Variants in ZNF268 observed in about 807,000 individuals in gnomAD.
The protein encoded by ZNF268 is zinc finger protein 268, also known as zinc finger protein 3.
A neutral mutation model predicts 29.3 loss-of-function variants in ZNF268; 20 were observed. The ratio of observed to expected loss-of-function variants is 0.68; its 90% CI spans 0.48 to 0.99. The LOEUF is 0.99. ZNF268 is among the 50% of genes least tolerant of loss of function. ZNF268 has a pLI of 0.00. For missense variants in ZNF268, 1,240 were observed against 1,121.6 expected, an observed-to-expected ratio of 1.11 and a Z score of -1.51; for synonymous variants, 429 against 376.9, an observed-to-expected ratio of 1.14 and a Z score of -1.60.
At chr12:133,182,381 C>T (rs1956197861) in intron 2 of ZNF268, among the ~76,000 whole-genome samples, 1 of 140,116 alleles carries the variant, frequency 7.1e-6, no homozygotes, top group Non-Finnish European at 1.6e-5. Flanking sequence ...TTTTTATTCA[C>T]TTGTTCAACA....
chr12:133,203,920 T>C lies in ZNF268; in HGVS notation c.2234T>C (p.Ile745Thr), dbSNP rs531325734. ...FNSQLIVHQR[I>T]HTGENPYECS... ...TCACAACTCATTGTGCATCAGAGAA[T>C]TCACACAGGAGAAAATCCCTATGAA... is the stretch of plus-strand genomic sequence containing the variant. The change falls in exon 6 of 6, where the codon ATT (isoleucine) becomes ACT (threonine). Residue 745 changes from isoleucine (I) to threonine (T), a missense_variant. Ile to Thr is a moderately conservative substitution (Grantham distance 89, BLOSUM62 -1). This residue lies in a region of ZNF268 where 1,177 missense variants were observed against 1,039.6 expected (regional missense o/e 1.13). Transcript: ENST00000536435. 6.3e-7 allele frequency: 1 copy of C among 1,588,786 alleles called. No individual in the cohort carries two copies. Among genetic ancestry groups the C allele is most frequent in the Non-Finnish European group, 8.5e-7 (1 of 1,169,832 alleles).
intron 2 of ZNF268, 107 bp downstream of exon 2, chr12:133,182,137 G>T: frequency 1.9e-6 from 2 of 1,053,722 alleles, no homozygotes; most frequent in South Asian, 3.2e-5. Flanking sequence ...TCACCCCACC[G>T]CTCTTTTAGG....
chr12:133,186,597 C>T (rs112930830), intron 2 of ZNF268, among the ~76,000 whole-genome samples: 27,606 of 151,636 alleles, frequency 0.18, 3,226 homozygotes, highest in Non-Finnish European at 0.26. Context: ...AGGCTGGTCT[C>T]GAACTCCTGA....
In ZNF268 at chr12:133,196,287, A is replaced by T. The variant is rs193055519; in HGVS notation, c.457+4284A>T. Among the ~76,000 whole-genome samples the T allele has an allele frequency of 1.0e-4, 14 of 140,414 alleles. No homozygotes were observed. The East Asian group carries it at 3.0e-3, about 30-fold the overall frequency. The allele number at this position is 140,414 out of a possible 152,430, so 92.1% of individuals were successfully genotyped here. On this transcript the variant is annotated intron_variant, in intron 5 of 5. Coordinates refer to ENST00000536435, the MANE Select transcript of ZNF268 (RefSeq NM_003415.3). ...TAGTGAGCCGAGATCACACCACTGCACTCCAGCCTGGCGACAGAGTGAGAC... is the reference window on the plus strand; with the variant it reads ...TAGTGAGCCGAGATCACACCACTGCTCTCCAGCCTGGCGACAGAGTGAGAC...
At chr12:133,182,116 C>A in intron 2 of ZNF268, 86 bp downstream of exon 2, 1 of 1,382,888 alleles carries the variant, frequency 7.2e-7, no homozygotes, top group South Asian at 1.3e-5. Flanking sequence ...CTGAATTTGC[C>A]AGGAGCTTTC....
At chr12:133,187,733 C>T (rs1956359344) in intron 2 of ZNF268, 139 bp from the exon 3 acceptor site, 1 of 817,040 alleles carries the variant, frequency 1.2e-6, no homozygotes, top group African/African-American at 1.7e-5. Flanking sequence ...TCTTTTCTGC[C>T]TCTAACCCTG....
rs1230059606 is a variant in ZNF268, at chr12:133,209,447, A to G, written c.*4917A>G. 1 of 152,204 alleles carries G rather than the reference A, an allele frequency of 6.6e-6. No individual in the cohort carries two copies. The highest frequency in any genetic ancestry group is 1.5e-5 in the Non-Finnish European group (1 of 68,040). The allele number at this position is 152,204 out of a possible 1,614,324, so 9.4% of individuals were successfully genotyped here. ...ATTCTGATTTTGGTATAAATGATAT[A>G]TTTAAATTTAAATGAAGTTGCAAGT... On this transcript the variant is annotated 3_prime_UTR_variant, in exon 6 of 6. Transcript: ENST00000536435.
rs1308083576 is a variant in ZNF268 at position 133,181,522 on chromosome 12, C to G, written c.-217C>G. The stretch of plus-strand genomic sequence containing the variant: ...ACGTAGCGGCCGCCATTGTTCCGCG[C>G]CGATGGCGAGATCCTTGTTCCTCAG... On this transcript the variant is annotated 5_prime_UTR_variant, in exon 1 of 6. Transcript: ENST00000536435. 6.5e-6 allele frequency: 1 copy of G among 154,408 alleles called. No homozygotes were observed. Among genetic ancestry groups the G allele is most frequent in the African/African-American group, 2.4e-5 (1 of 41,544 alleles). The allele number at this position is 154,408 out of a possible 1,614,324, so 9.6% of individuals were successfully genotyped here.
chr12:133,207,303 AGG>A lies in ZNF268; in HGVS notation c.*2774_*2775del. 4.3e-5 allele frequency: 1 copy of A among 23,342 alleles called. No individual in the cohort carries two copies. Among genetic ancestry groups the A allele is most frequent in the Non-Finnish European group, 1.0e-4 (1 of 9,994 alleles). 1.4% of individuals were successfully genotyped at this position (23,342 alleles called of 1,614,324 possible). On this transcript the variant is annotated 3_prime_UTR_variant, in exon 6 of 6. Coordinates refer to ENST00000536435, the MANE Select transcript of ZNF268 (RefSeq NM_003415.3). ...ACTTGCAAACCATATTTGTGAACATAGGTTTAAAAATCCATATTTGTGAACAT... is the reference window on the plus strand; with the variant it reads ...ACTTGCAAACCATATTTGTGAACATATTTAAAAATCCATATTTGTGAACAT...
intron 3 of ZNF268, 143 bp from the exon 4 acceptor site, chr12:133,191,346 C>A: frequency 7.1e-6 from 6 of 841,128 alleles, no homozygotes; most frequent in South Asian, 1.8e-5. Flanking sequence ...AGAAAGATGA[C>A]TGATTTAATG....
At position 133,214,123 on chromosome 12, in the gene ZNF268, G is replaced by C. The variant is rs1054443682; in HGVS notation, c.*9593G>C. ...ACAACCCAATATCAAAATGGGCAGA[G>C]GACTTGAAGAGACTTTTCTGTAAAG... is the stretch of plus-strand genomic sequence containing the variant. On this transcript the variant is annotated 3_prime_UTR_variant, in exon 6 of 6. Coordinates refer to ENST00000536435, the MANE Select transcript of ZNF268 (RefSeq NM_003415.3). 6.6e-6 allele frequency: 1 copy of C among 152,098 alleles called. No individual in the cohort carries two copies. Among genetic ancestry groups the C allele is most frequent in the Admixed American group, 6.5e-5 (1 of 15,280 alleles). The allele number at this position is 152,098 out of a possible 1,614,324, so 9.4% of individuals were successfully genotyped here. A position where few individuals can be genotyped will look rare whatever the true frequency, so the allele number is the denominator to read the frequency against.
In ZNF268 at chr12:133,210,483, T is replaced by A; in HGVS notation, c.*5953T>A. 1 of 223,266 alleles carries A rather than the reference T, an allele frequency of 4.5e-6. No individual in the cohort carries two copies. 13.8% of individuals were successfully genotyped at this position (223,266 alleles called of 1,614,324 possible). On this transcript the variant is annotated 3_prime_UTR_variant, in exon 6 of 6. Coordinates refer to ENST00000536435, the MANE Select transcript of ZNF268 (RefSeq NM_003415.3). ...GATTTGCCCCACTAGGGTCCCTAGG[T>A]CAGTCCTGAAGAGAAACAAGCTCCA...
intron 5 of ZNF268, among the ~76,000 whole-genome samples, chr12:133,201,740 A>G (rs2135519516): frequency 6.6e-6 from 1 of 152,230 alleles, no homozygotes; most frequent in East Asian, 1.9e-4. Context: ...AGTGTTTGGC[A>G]CATAGTAGGT....
At chr12:133,188,125 T>G in intron 3 of ZNF268, 53 bp downstream of exon 3, 1 of 1,494,726 alleles carries the variant, frequency 6.7e-7, no homozygotes. Flanking sequence ...CTTTTTTTTT[T>G]TTGGTGCAGA....
rs1956988593 is a variant in ZNF268, at chr12:133,211,899, T to C, written c.*7369T>C. 1 of 152,228 alleles carries C rather than the reference T, an allele frequency of 6.6e-6. No homozygotes were observed. Among genetic ancestry groups the C allele is most frequent in the Non-Finnish European group, 1.5e-5 (1 of 68,046 alleles). 9.4% of individuals were successfully genotyped at this position (152,228 alleles called of 1,614,324 possible). A position where few individuals can be genotyped will look rare whatever the true frequency, so the allele number is the denominator to read the frequency against. On this transcript the variant is annotated 3_prime_UTR_variant, in exon 6 of 6. Transcript: ENST00000536435. ...TAACTGCTTTGAAAACATAGGAGTT[T>C]GATCTAAACAAAACCCAGCATGTAC...
chr12:133,187,783 TTC>T, intron 2 of ZNF268, 87 bp from the exon 3 acceptor site: 1 of 1,286,334 alleles, frequency 7.8e-7, no homozygotes, highest in Non-Finnish European at 1.1e-6. Context: ...TCTAACGTGT[TTC>T]TCTCACATTT....
intron 2 of ZNF268, among the ~76,000 whole-genome samples, chr12:133,186,867 T>C (rs762201849): frequency 5.3e-5 from 8 of 152,320 alleles, no homozygotes; most frequent in Middle Eastern, 6.8e-3. Context: ...GGCACACACA[T>C]GCGTATACGT....
At chr12:133,197,020 G>T (rs1319900212) in intron 5 of ZNF268, among the ~76,000 whole-genome samples, 2 of 138,908 alleles carry the variant, frequency 1.4e-5, no homozygotes, top group African/African-American at 2.8e-5. Flanking sequence ...CTATTCTCTA[G>T]ATCCTTTCTT....
chr12:133,184,500 G>A (rs1039951681), intron 2 of ZNF268, among the ~76,000 whole-genome samples: 3 of 152,194 alleles, frequency 2.0e-5, no homozygotes, highest in African/African-American at 4.8e-5. Flanking sequence ...CATGGCCAAA[G>A]AGATGAAAGG....
Sources: allele counts gnomAD v4.1 joint callset (sites outside exome capture counted in the v4.1 genomes callset), GRCh38; gene constraint gnomAD v4.1.1; regional missense constraint gnomAD v4.1.1; transcripts MANE v1.5; gene names NCBI Gene and HGNC (gene_info 2026-07-23, HGNC 2026-07-21).